Variants in DIS3L2 observed in about 807,000 individuals in gnomAD.
DIS3L2 encodes the protein DIS3 like 3'-5' exoribonuclease 2.
In DIS3L2, 34 loss-of-function variants were observed where a neutral mutation model predicts 97.5. The ratio of observed to expected loss-of-function variants is 0.35; its 90% CI spans 0.27 to 0.46. The LOEUF is 0.46. DIS3L2 is among the 20% of genes least tolerant of loss of function. The pLI is 1.00. For missense variants in DIS3L2, 1,038 were observed against 1,146.0 expected (o/e 0.91, Z 1.36); for synonymous variants, 435 against 445.2 (o/e 0.98, Z 0.29).
chr2:232,270,327 G>A (rs1248337346), intron 13 of DIS3L2, among the ~76,000 whole-genome samples: 2 of 152,140 alleles, frequency 1.3e-5, no homozygotes, highest in Non-Finnish European at 2.9e-5. Context: ...TTAATATTTT[G>A]GTATAATTCC....
chr2:232,165,839 T>A (rs1690789122), intron 9 of DIS3L2, among the ~76,000 whole-genome samples: 1 of 152,176 alleles, frequency 6.6e-6, no homozygotes, highest in South Asian at 2.1e-4. Context: ...AAATCTTTTT[T>A]AAAGTAACTT....
chr2:232,270,411 T>C (rs538990024), intron 13 of DIS3L2, among the ~76,000 whole-genome samples: 1 of 152,352 alleles, frequency 6.6e-6, no homozygotes, highest in South Asian at 2.1e-4. Flanking sequence ...AGTTTTTATT[T>C]ATATTCTGCT....
chr2:232,078,551 A>G (rs1303543978), intron 5 of DIS3L2, among the ~76,000 whole-genome samples: 1 of 152,202 alleles, frequency 6.6e-6, no homozygotes, highest in Non-Finnish European at 1.5e-5. Flanking sequence ...TTGGGCTACT[A>G]GTTTCTAACC....
chr2:232,106,390 A>G (rs1697358394), intron 6 of DIS3L2, among the ~76,000 whole-genome samples: 1 of 152,216 alleles, frequency 6.6e-6, no homozygotes. Context: ...CAAATGGAAA[A>G]CAGAAGAAAC....
chr2:232,269,746 G>A lies in DIS3L2; in HGVS notation c.1659+6306G>A, dbSNP rs55820159. ...GGCAGATTGTTCCAGGGTGTGTGGTGTAGGGTGCAGAGAGAGAGAGGAGCT... is the reference window on the plus strand; with the variant it reads ...GGCAGATTGTTCCAGGGTGTGTGGTATAGGGTGCAGAGAGAGAGAGGAGCT... On this transcript the variant is annotated intron_variant, in intron 13 of 20. Coordinates refer to ENST00000325385, the MANE Select transcript of DIS3L2 (RefSeq NM_152383.5). This position sits in a 1 kb window ranked among gnomAD's most constrained non-coding sequence, Gnocchi z 4.5. 0.017 allele frequency among the ~76,000 whole-genome samples: 1,811 copies of A among 109,380 alleles called. 16 individuals are homozygous for A. Among genetic ancestry groups the A allele is most frequent in the Non-Finnish European group, 0.02 (1,191 of 60,340 alleles). The allele number at this position is 109,380 out of a possible 152,430, so 71.8% of individuals were successfully genotyped here.
At chr2:232,215,693 C>A (rs187637442) in intron 10 of DIS3L2, among the ~76,000 whole-genome samples, 1 of 152,184 alleles carries the variant, frequency 6.6e-6, no homozygotes, top group Non-Finnish European at 1.5e-5. Context: ...ATTGACTGAT[C>A]ACCTTTGGAG....
At chr2:232,066,361 G>T (rs985190803) in intron 5 of DIS3L2, among the ~76,000 whole-genome samples, 4 of 151,986 alleles carry the variant, frequency 2.6e-5, no homozygotes, top group African/African-American at 9.7e-5. Context: ...TGTCAAATGT[G>T]TGTATTGAGA....
rs976302653 is a variant in DIS3L2, at chr2:232,037,234, C to G, written c.366+7154C>G. ...TGCCTTTCTTTCAGAGATGCCCTATCCAGAGAGAAGGACTCTAGAGAGGTA... is the reference window on the plus strand; with the variant it reads ...TGCCTTTCTTTCAGAGATGCCCTATGCAGAGAGAAGGACTCTAGAGAGGTA... On this transcript the variant is annotated intron_variant, in intron 5 of 20. Coordinates refer to ENST00000325385, the MANE Select transcript of DIS3L2 (RefSeq NM_152383.5). The surrounding 1 kb of genome is among the most constrained non-coding windows in gnomAD (Gnocchi z 4.6). 1.2e-4 allele frequency among the ~76,000 whole-genome samples: 18 copies of G among 152,200 alleles called. No homozygotes were observed. The highest frequency in any genetic ancestry group is 4.1e-4 in the African/African-American group (17 of 41,460).
At position 232,024,309 on chromosome 2, in the gene DIS3L2, T is replaced by G. The variant is rs1422047527; in HGVS notation, c.243T>G (p.His81Gln). The G allele has an allele frequency of 1.9e-6, 3 of 1,604,408 alleles. No homozygotes were observed. The highest frequency in any genetic ancestry group is 2.6e-6 in the Non-Finnish European group (3 of 1,176,098). ...TGAGAATTAATCCAAAGAAGTTTCA[T>G]GAAGCCTTCATTCCTTCCCCGGTAA... Reference protein sequence around the residue: ...GVLRINPKKFHEAFIPSPDGD... With the variant: ...GVLRINPKKFQEAFIPSPDGD... The change falls in exon 4 of 21, where the codon CAT becomes CAG. Residue 81 changes from histidine (H) to glutamine (Q), a missense_variant. By Grantham distance (24) the His-to-Gln change is conservative. Around this residue, in one of 3 missense-constraint regions of DIS3L2, gnomAD observed 813 missense variants for 880.1 expected, o/e 0.92. Transcript: ENST00000325385.
Position 232,210,191 on chromosome 2 carries a change from T to C in DIS3L2, c.1125-135T>C, listed in dbSNP as rs567888141. 1.7e-4 allele frequency: 107 copies of C among 624,508 alleles called. 4 individuals carry two copies. In the South Asian group the frequency reaches 1.8e-3, roughly 10 times the overall value. 38.7% of individuals were successfully genotyped at this position (624,508 alleles called of 1,614,324 possible). A position where few individuals can be genotyped will look rare whatever the true frequency, so the allele number is the denominator to read the frequency against. On this transcript the variant is annotated intron_variant, in intron 9 of 20. Transcript: ENST00000325385. Reference sequence around the variant, plus strand: ...GTCTCACATTTAACTAAAGATCTCATTCTCGTAGAAGTTATTTTTCACTTT... The same window carrying C: ...GTCTCACATTTAACTAAAGATCTCACTCTCGTAGAAGTTATTTTTCACTTT...
At chr2:232,259,619 T>A (rs1266482190) in intron 12 of DIS3L2, among the ~76,000 whole-genome samples, 1 of 151,978 alleles carries the variant, frequency 6.6e-6, no homozygotes, top group Non-Finnish European at 1.5e-5. Context: ...AGTTTTTTTC[T>A]GTTTGTTTTG....
intron 1 of DIS3L2, among the ~76,000 whole-genome samples, chr2:231,996,352 T>C (rs1027812663): frequency 6.6e-6 from 1 of 152,350 alleles, no homozygotes; most frequent in African/African-American, 2.4e-5. Flanking sequence ...CAGCCATAGA[T>C]TGTAGGACCT....
At chr2:231,994,079 G>GTTTTTTTTTTT (rs770565920) in intron 1 of DIS3L2, among the ~76,000 whole-genome samples, 2 of 123,390 alleles carry the variant, frequency 1.6e-5, no homozygotes, top group Non-Finnish European at 3.6e-5. Flanking sequence ...TTTTTTGTTG[G>GTTTTTTTTTTT]TTTTTTTTTT....
intron 6 of DIS3L2, among the ~76,000 whole-genome samples, chr2:232,101,585 C>G (rs1697205993): frequency 6.6e-6 from 1 of 152,308 alleles, no homozygotes; most frequent in African/African-American, 2.4e-5. Flanking sequence ...TAAATAGTAT[C>G]TATCTCAGGA....
At chr2:232,002,084 C>T (rs1412231346) in intron 1 of DIS3L2, among the ~76,000 whole-genome samples, 2 of 152,132 alleles carry the variant, frequency 1.3e-5, no homozygotes, top group Non-Finnish European at 2.9e-5. Context: ...TTTCATTCTT[C>T]TGCAAATAGA....
chr2:232,050,435 A>G (rs1695368931), intron 5 of DIS3L2, among the ~76,000 whole-genome samples: 1 of 150,852 alleles, frequency 6.6e-6, no homozygotes, highest in Non-Finnish European at 1.5e-5. Context: ...ATGCCCAGCT[A>G]ATCTTTGTAT....
intron 6 of DIS3L2, among the ~76,000 whole-genome samples, chr2:232,100,192 A>ATTTTT (rs10594218): frequency 8.9e-6 from 1 of 112,524 alleles, no homozygotes; most frequent in Non-Finnish European, 1.8e-5. Context: ...CCCTGCTAAT[A>ATTTTT]TTTTTTTTTT....
At chr2:232,002,306 C>A (rs1297836810) in intron 1 of DIS3L2, among the ~76,000 whole-genome samples, 1 of 152,058 alleles carries the variant, frequency 6.6e-6, no homozygotes, top group East Asian at 1.9e-4. Flanking sequence ...AGTGTGATGC[C>A]TCAGGCTTTA....
At position 232,001,309 on chromosome 2, in the gene DIS3L2, T is replaced by C. The variant is rs547169643; in HGVS notation, c.-93-13526T>C. ...TTTGCATTCCCCTAATGATTAGTGA[T>C]ATTGAGCATTTTTTCATATACCTGT... On this transcript the variant is annotated intron_variant, in intron 1 of 20. Coordinates refer to ENST00000325385, the MANE Select transcript of DIS3L2 (RefSeq NM_152383.5). Among the ~76,000 whole-genome samples the C allele has an allele frequency of 2.4e-4, 37 of 152,352 alleles. 1 individual carries two copies. The highest frequency in any genetic ancestry group is 2.2e-3 in the Admixed American group (33 of 15,306).
Sources: allele counts gnomAD v4.1 joint callset (sites outside exome capture counted in the v4.1 genomes callset), GRCh38; gene constraint gnomAD v4.1.1; regional missense constraint gnomAD v4.1.1; non-coding constraint Gnocchi (gnomAD v3.1); transcripts MANE v1.5; gene names NCBI Gene and HGNC (gene_info 2026-07-23, HGNC 2026-07-21).